The following TMEM266 variants were observed in gnomAD, a reference collection of about 807,000 sequenced individuals.
TMEM266 encodes transmembrane protein 266.
In TMEM266, 33 loss-of-function variants were observed where a neutral mutation model predicts 50.5. That is an observed-to-expected ratio of 0.65 (90% confidence interval 0.50 to 0.87). The LOEUF is 0.87. TMEM266 is among the 40% of genes least tolerant of loss of function. The pLI is 0.00. For synonymous variants in TMEM266, 310 were observed against 292.3 expected (o/e 1.06, Z -0.62); for missense variants, 655 against 695.1 (o/e 0.94, Z 0.65).
At chr15:76,127,492 A>C (rs2037441828) in intron 1 of TMEM266, among the ~76,000 whole-genome samples, 1 of 152,034 alleles carries the variant, frequency 6.6e-6, no homozygotes, top group Non-Finnish European at 1.5e-5. Context: ...ACACCCAGCT[A>C]ATTTTTGTAT....
intron 1 of TMEM266, among the ~76,000 whole-genome samples, chr15:76,098,494 C>T (rs2036953508): frequency 6.6e-6 from 1 of 152,118 alleles, no homozygotes; most frequent in Admixed American, 6.5e-5. Context: ...AGCCAGAGCT[C>T]TCCTGTATGA....
intron 1 of TMEM266, among the ~76,000 whole-genome samples, chr15:76,078,198 A>G (rs1274470012): frequency 1.3e-5 from 2 of 152,040 alleles, no homozygotes; most frequent in African/African-American, 2.4e-5. Flanking sequence ...TGGAAGGGTC[A>G]CTGGGCTTCC....
chr15:76,090,405 T>A (rs2036832512), intron 1 of TMEM266, among the ~76,000 whole-genome samples: 2 of 145,418 alleles, frequency 1.4e-5, no homozygotes, highest in African/African-American at 5.1e-5. Flanking sequence ...GGCAGGAGGA[T>A]CACTTGAACT....
intron 1 of TMEM266, among the ~76,000 whole-genome samples, chr15:76,096,832 G>T (rs1255430463): frequency 6.6e-6 from 1 of 151,684 alleles, no homozygotes; most frequent in African/African-American, 2.4e-5. Flanking sequence ...AGCTCTTCTT[G>T]CTGCATTGAT....
chr15:76,065,278 C>T (rs539478526), intron 1 of TMEM266, among the ~76,000 whole-genome samples: 7 of 152,310 alleles, frequency 4.6e-5, no homozygotes, highest in African/African-American at 1.7e-4. Flanking sequence ...TCTATCACTG[C>T]CCTTCTTGAT....
chr15:76,192,063 CCAGCCGCG>C lies in TMEM266; in HGVS notation c.872_879del (p.Arg291LeufsTer48), dbSNP rs1567183037. The C allele has an allele frequency of 6.7e-7, 1 of 1,502,284 alleles. No individual in the cohort carries two copies. Among genetic ancestry groups the C allele is most frequent in the Non-Finnish European group, 8.8e-7 (1 of 1,131,934 alleles). 93.1% of individuals were successfully genotyped at this position (1,502,284 alleles called of 1,614,324 possible). ...CGCTCCAGGCCCCGCACGTGCTCAG[CCAGCCGCG>C]CAGCCGCTTCAAAGTGTTGGAGGCC... On this transcript the variant is annotated frameshift_variant, in exon 9 of 11. Coordinates refer to ENST00000388942, the MANE Select transcript of TMEM266 (RefSeq NM_152335.3). LOFTEE classifies it high-confidence loss of function.
intron 1 of TMEM266, among the ~76,000 whole-genome samples, chr15:76,108,499 TG>T: frequency 6.6e-6 from 1 of 152,346 alleles, no homozygotes; most frequent in African/African-American, 2.4e-5. Flanking sequence ...TCACTGGGCC[TG>T]GGATGGGGTC....
chr15:76,088,120 C>G lies in TMEM266; in HGVS notation c.-97+28104C>G, dbSNP rs532714028. Among the ~76,000 whole-genome samples, 6 of 152,324 alleles carry G rather than the reference C, an allele frequency of 3.9e-5. No individual in the cohort carries two copies. In the East Asian group the frequency reaches 1.2e-3, roughly 29 times the overall value. On this transcript the variant is annotated intron_variant, in intron 1 of 10. Coordinates refer to ENST00000388942, the MANE Select transcript of TMEM266 (RefSeq NM_152335.3). The stretch of plus-strand genomic sequence containing the variant: ...CTGAACATAATCTTTCCCCAAAGTC[C>G]TGTCCTCTTTTCTTCCTCAACATCC...
At chr15:76,142,982 G>A (rs1308322530) in intron 3 of TMEM266, among the ~76,000 whole-genome samples, 1 of 152,158 alleles carries the variant, frequency 6.6e-6, no homozygotes, top group African/African-American at 2.4e-5. Flanking sequence ...AGTTCTGATC[G>A]CTTGTGTCTG....
chr15:76,096,861 T>C (rs1238463394), intron 1 of TMEM266, among the ~76,000 whole-genome samples: 1 of 152,000 alleles, frequency 6.6e-6, no homozygotes, highest in Admixed American at 6.6e-5. Context: ...CATTATGTAA[T>C]GCCCTTTTTT....
intron 1 of TMEM266, among the ~76,000 whole-genome samples, chr15:76,063,232 A>T (rs763196240): frequency 2.0e-5 from 3 of 152,168 alleles, no homozygotes; most frequent in Non-Finnish European, 4.4e-5. Context: ...TGCAGTGACC[A>T]CCCTTTGTGG....
intron 6 of TMEM266, among the ~76,000 whole-genome samples, chr15:76,170,736 C>T (rs2038174292): frequency 6.6e-6 from 1 of 152,160 alleles, no homozygotes; most frequent in Non-Finnish European, 1.5e-5. Context: ...GGCAAGACAG[C>T]CCAAGGCCAT....
chr15:76,150,347 A>G (rs1481870833), intron 3 of TMEM266, among the ~76,000 whole-genome samples: 2 of 152,174 alleles, frequency 1.3e-5, no homozygotes, highest in Admixed American at 1.3e-4. Context: ...GGCAGCTTCC[A>G]GTCTCATTTT....
chr15:76,160,403 G>A lies in TMEM266; in HGVS notation c.456+235G>A, dbSNP rs1468870781. On this transcript the variant is annotated intron_variant, in intron 5 of 10. Transcript: ENST00000388942. This position sits in a 1 kb window ranked among gnomAD's most constrained non-coding sequence, Gnocchi z 5.7. ...GGTGATTCCTGGGAGGAACCCCAGT[G>A]GATGAGCAGGTGTTCTCCAGGTGAG... Among the ~76,000 whole-genome samples the A allele has an allele frequency of 1.3e-5, 2 of 152,230 alleles. No individual in the cohort carries two copies. The highest frequency in any genetic ancestry group is 1.9e-4 in the East Asian group (1 of 5,202).
chr15:76,076,748 A>C (rs1443215536), intron 1 of TMEM266, among the ~76,000 whole-genome samples: 1 of 152,134 alleles, frequency 6.6e-6, no homozygotes, highest in Non-Finnish European at 1.5e-5. Context: ...AAAGATAGAA[A>C]GGATTTGAAC....
At chr15:76,184,695 G>A (rs964068807) in intron 8 of TMEM266, among the ~76,000 whole-genome samples, 2 of 152,194 alleles carry the variant, frequency 1.3e-5, no homozygotes, top group Non-Finnish European at 2.9e-5. Context: ...ACCATTAAAG[G>A]CGGAGAAGCG....
chr15:76,169,605 A>G (rs74024101), intron 5 of TMEM266, among the ~76,000 whole-genome samples: 7,472 of 152,214 alleles, frequency 0.049, 412 homozygotes, highest in African/African-American at 0.14. Flanking sequence ...AGGCAGAGGA[A>G]CCAGCAGGAG....
At chr15:76,085,710 A>T (rs894904786) in intron 1 of TMEM266, among the ~76,000 whole-genome samples, 2 of 152,196 alleles carry the variant, frequency 1.3e-5, no homozygotes, top group African/African-American at 4.8e-5. Context: ...ACTCCTAGGT[A>T]TTTAATAAAA....
chr15:76,118,037 G>C (rs1334290503), intron 1 of TMEM266, among the ~76,000 whole-genome samples: 1 of 152,238 alleles, frequency 6.6e-6, no homozygotes, highest in African/African-American at 2.4e-5. Flanking sequence ...AGGCCAGAAA[G>C]CTAATGCTCT....
Sources: gnomAD v4.1 joint callset for allele counts (sites outside exome capture counted in the v4.1 genomes callset) on GRCh38, gnomAD v4.1.1 for gene constraint, Gnocchi (gnomAD v3.1) non-coding constraint, MANE v1.5 for transcripts, NCBI Gene and HGNC (gene_info 2026-07-23, HGNC 2026-07-21) for gene names.